TLE3: variants seen among roughly 807,000 people sequenced by gnomAD.
The protein encoded by TLE3 is transducin-like enhancer protein 3.
A neutral mutation model predicts 93.0 loss-of-function variants in TLE3; 14 were observed. The observed-to-expected ratio is 0.15, with a 90% CI of 0.10 to 0.24. The LOEUF (loss-of-function observed/expected upper bound fraction) is 0.24, where lower values mean the gene tolerates loss of function less well. Among genes scored for constraint, TLE3 ranks in the 10% least tolerant of loss-of-function variants. The probability of loss-of-function intolerance (pLI) is 1.00; values close to 1 mark genes in which losing one functional copy is unlikely to be tolerated. For missense variants in TLE3, 693 were observed against 1,046.6 expected (o/e 0.66, Z 4.66); for synonymous variants, 451 against 425.0 (o/e 1.06, Z -0.75).
chr15:70,094,412 A>C, intron 4 of TLE3, 120 bp downstream of exon 4: 8 of 782,016 alleles, frequency 1.0e-5, no homozygotes, highest in Non-Finnish European at 1.7e-5. Context: ...TTCACTCTTC[A>C]AGGAGAAGGG....
intron 4 of TLE3, among the ~76,000 whole-genome samples, chr15:70,078,145 T>C (rs754578364): frequency 1.2e-4 from 19 of 152,194 alleles, no homozygotes; most frequent in Non-Finnish European, 2.5e-4. Flanking sequence ...ATTATATAAA[T>C]TGTTAATCTA....
At chr15:70,084,979 C>T (rs2057976132) in intron 4 of TLE3, among the ~76,000 whole-genome samples, 1 of 152,190 alleles carries the variant, frequency 6.6e-6, no homozygotes, top group Non-Finnish European at 1.5e-5. Flanking sequence ...AAGCCACCAG[C>T]CACCCGTGGC....
intron 6 of TLE3, among the ~76,000 whole-genome samples, chr15:70,074,299 T>C (rs887532084): frequency 6.6e-6 from 1 of 151,648 alleles, no homozygotes; most frequent in African/African-American, 2.4e-5. Flanking sequence ...GCTGAAGAGG[T>C]GGATTTGAGG....
intron 7 of TLE3, 45 bp downstream of exon 7, chr15:70,065,969 G>GCCCCCCCCCGGCCCCCC: frequency 2.3e-6 from 3 of 1,294,404 alleles, no homozygotes; most frequent in Non-Finnish European, 3.3e-6. Context: ...GAGCGCCCAT[G>GCCCCCCCCCGGCCCCCC]CCCACCCCTG....
chr15:70,056,263 C>A lies in TLE3; in HGVS notation c.1328+35G>T, dbSNP rs777969881. 3 of 1,608,974 alleles carry A rather than the reference C, an allele frequency of 1.9e-6. No individual in the cohort carries two copies. In the African/African-American group the frequency reaches 4.0e-5, roughly 22 times the overall value. On this transcript the variant is annotated intron_variant, in intron 14 of 19. Coordinates refer to ENST00000451782, the MANE Select transcript of TLE3 (RefSeq NM_001105192.3). The stretch of plus-strand genomic sequence containing the variant: ...GGTAGAGTGCTCTCTCCTGCCCACC[C>A]TACAAAGCATGCAGTAAGTATAGCC...
At chr15:70,073,671 C>G (rs1458273805) in intron 6 of TLE3, among the ~76,000 whole-genome samples, 2 of 152,316 alleles carry the variant, frequency 1.3e-5, no homozygotes, top group East Asian at 1.9e-4. Flanking sequence ...TCCTGTCCAC[C>G]CTCTTCATTT....
chr15:70,056,328 G>A lies in TLE3; in HGVS notation c.1298C>T (p.Ser433Leu). The change falls in exon 14 of 20, where the codon TCA (serine) becomes TTA (leucine). Residue 433 changes from serine (S) to leucine (L), a missense_variant. Transcript: ENST00000451782. ...TCCTCCAGGAATGGAGGCCAGGCTT[G>A]AGGGGAGGCCTGTGGCCCGCATCGG... is the stretch of plus-strand genomic sequence containing the variant. ...HPPMRATGLPSSLASIPGGKP... is the reference protein window; with the variant it reads ...HPPMRATGLPLSLASIPGGKP... 6.2e-7 allele frequency: 1 copy of A among 1,613,694 alleles called. No individual in the cohort carries two copies. The highest frequency in any genetic ancestry group is 8.5e-7 in the Non-Finnish European group (1 of 1,179,868).
At position 70,060,693 on chromosome 15, in the gene TLE3, T is replaced by C. The variant is rs145363067; in HGVS notation, c.595-44A>G. ...TTCGGGGTTAAAACTTTCTGCTGCG[T>C]GTAACAATTCACACATCCGCACACA... is the stretch of plus-strand genomic sequence containing the variant. On this transcript the variant is annotated intron_variant, in intron 8 of 19. Coordinates refer to ENST00000451782, the MANE Select transcript of TLE3 (RefSeq NM_001105192.3). 8.0e-4 allele frequency: 1,280 copies of C among 1,606,560 alleles called. 2 individuals carry two copies. Among genetic ancestry groups the C allele is most frequent in the Non-Finnish European group, 1.0e-3 (1,180 of 1,177,236 alleles).
chr15:70,096,737 T>G (rs761165624), intron 1 of TLE3, 38 bp downstream of exon 1: 1 of 1,611,452 alleles, frequency 6.2e-7, no homozygotes, highest in Admixed American at 1.7e-5. Flanking sequence ...TACCCTGCCA[T>G]GATAGATGCT....
rs775427350 is a variant in TLE3, at chr15:70,058,804, C to T, written c.777G>A (p.Thr259=). 31 of 1,583,174 alleles carry T rather than the reference C, an allele frequency of 2.0e-5. No individual in the cohort carries two copies. The highest frequency in any genetic ancestry group is 3.7e-5 in the Admixed American group (2 of 54,718). The part of the protein sequence containing the change: ...VVDVSNEDPA[T]PRVSPAHSPP... ...GGGAGTGTGCCGGGCTGACCCGGGG[C>T]GTTGCGGGGTCCTGAAAACACAAGT... The change falls in exon 11 of 20, where the codon ACG becomes ACA. Residue 259 remains threonine (T), a synonymous_variant. Coordinates refer to ENST00000451782, the MANE Select transcript of TLE3 (RefSeq NM_001105192.3). This position sits in a 1 kb window ranked among gnomAD's most constrained non-coding sequence, Gnocchi z 4.1.
intron 4 of TLE3, among the ~76,000 whole-genome samples, chr15:70,080,275 C>T (rs1024830557): frequency 2.0e-5 from 3 of 152,134 alleles, no homozygotes; most frequent in African/African-American, 4.8e-5. Flanking sequence ...TCTTCAGAAG[C>T]GAATCTGAGA....
intron 4 of TLE3, among the ~76,000 whole-genome samples, chr15:70,090,887 T>C (rs530561754): frequency 5.1e-4 from 78 of 152,316 alleles, no homozygotes; most frequent in African/African-American, 1.7e-3. Flanking sequence ...CTTTGGACTT[T>C]GGTGGGGCCA....
At chr15:70,095,737 C>T (rs2058523372) in intron 2 of TLE3, 96 bp from the exon 3 acceptor site, 3 of 1,435,484 alleles carry the variant, frequency 2.1e-6, no homozygotes, top group South Asian at 1.4e-5. Context: ...TTCCACTTTC[C>T]TGACACCCCC....
intron 4 of TLE3, among the ~76,000 whole-genome samples, chr15:70,093,035 C>T (rs1406199885): frequency 6.6e-6 from 1 of 152,206 alleles, no homozygotes; most frequent in African/African-American, 2.4e-5. Context: ...CACCTGGGCC[C>T]CCAGTTCCAT....
intron 18 of TLE3, among the ~76,000 whole-genome samples, chr15:70,051,927 G>C (rs1021808926): frequency 6.6e-6 from 1 of 152,222 alleles, no homozygotes; most frequent in South Asian, 2.1e-4. Flanking sequence ...CTCCCTGAAA[G>C]CCATGAGCAC....
intron 4 of TLE3, 146 bp downstream of exon 4, chr15:70,094,386 T>C: frequency 3.1e-6 from 2 of 644,022 alleles, no homozygotes; most frequent in Non-Finnish European, 5.3e-6. Flanking sequence ...ACCTTGCATT[T>C]CAAGGACTGG....
At position 70,051,481 on chromosome 15, in the gene TLE3, G is replaced by A; in HGVS notation, c.2126-14C>T. The A allele has an allele frequency of 6.3e-7, 1 of 1,598,844 alleles. No individual in the cohort carries two copies. Among genetic ancestry groups the A allele is most frequent in the African/African-American group, 1.3e-5 (1 of 74,812 alleles). ...CGAACCACTTGCCTGCAGGTGGGAG[G>A]CAAAGGCATGATCAGGTTGTAGCTC... On this transcript the variant is annotated splice_polypyrimidine_tract_variant and intron_variant, in intron 18 of 19. Transcript: ENST00000451782.
At chr15:70,062,936 G>T (rs1016037063) in intron 8 of TLE3, among the ~76,000 whole-genome samples, 2 of 152,198 alleles carry the variant, frequency 1.3e-5, no homozygotes, top group South Asian at 4.1e-4. Flanking sequence ...GGGTTCCCAG[G>T]GGGGGTCTTT....
At chr15:70,081,701 G>A (rs1194003041) in intron 4 of TLE3, among the ~76,000 whole-genome samples, 1 of 152,228 alleles carries the variant, frequency 6.6e-6, no homozygotes, top group Non-Finnish European at 1.5e-5. Flanking sequence ...TTTGTGAAAT[G>A]AGGATTTCTT....
Sources: allele counts gnomAD v4.1 joint callset (sites outside exome capture counted in the v4.1 genomes callset), GRCh38; gene constraint gnomAD v4.1.1; non-coding constraint Gnocchi (gnomAD v3.1); transcripts MANE v1.5; gene names NCBI Gene and HGNC (gene_info 2026-07-23, HGNC 2026-07-21).